KANK1: variants seen among roughly 807,000 people sequenced by gnomAD.
The protein encoded by KANK1 is KN motif and ankyrin repeat domain-containing protein 1.
In KANK1, 109 loss-of-function variants were observed where a neutral mutation model predicts 106.2. The ratio of observed to expected loss-of-function variants is 1.03; its 90% CI spans 0.88 to 1.20. The LOEUF (loss-of-function observed/expected upper bound fraction) is 1.20, where lower values mean the gene tolerates loss of function less well. KANK1 is among the 50% of genes most tolerant of loss of function. The pLI, the probability that KANK1 is intolerant of heterozygous loss-of-function variation, is 0.00. For synonymous variants in KANK1, 873 were observed against 652.2 expected (o/e 1.34, Z -5.16); for missense variants, 2,399 against 1,710.7 (o/e 1.40, Z -7.10).
intron 1 of KANK1, among the ~76,000 whole-genome samples, chr9:614,380 A>G (rs5008774): frequency 2.0e-5 from 3 of 148,804 alleles, no homozygotes; most frequent in Non-Finnish European, 4.4e-5. Flanking sequence ...GAGTGATTAT[A>G]TACTTCTGCA....
In KANK1 at chr9:527,744, A is replaced by G. The variant is rs543623823; in HGVS notation, c.-84+22990A>G. ...CACACTTACTAGTTTGGCCAGGTGT[A>G]CAGTTCTAGTTTGAAAGTCCTTTTC... On this transcript the variant is annotated intron_variant, in intron 1 of 11. Transcript: ENST00000382297. 2.7e-5 allele frequency among the ~76,000 whole-genome samples: 4 copies of G among 148,126 alleles called. No individual in the cohort carries two copies. In the East Asian group the frequency reaches 5.9e-4, roughly 22 times the overall value.
At chr9:656,332 T>G (rs1842138928) in intron 1 of KANK1, among the ~76,000 whole-genome samples, 2 of 152,168 alleles carry the variant, frequency 1.3e-5, no homozygotes, top group African/African-American at 4.8e-5. Context: ...GGAATCTGTT[T>G]CCCCTGGCTT....
intron 1 of KANK1, among the ~76,000 whole-genome samples, chr9:590,906 A>G (rs72689656): frequency 0.01 from 1,531 of 151,866 alleles, 70 homozygotes; most frequent in African/African-American, 0.036. Flanking sequence ...TTAATATATA[A>G]TACACATTGC....
intron 2 of KANK1, among the ~76,000 whole-genome samples, chr9:687,898 C>G (rs1818930238): frequency 6.6e-6 from 1 of 152,180 alleles, no homozygotes; most frequent in African/African-American, 2.4e-5. Flanking sequence ...AGGCAAGAAT[C>G]ATGTCATCTT....
At chr9:744,922 G>A in intron 11 of KANK1, 5 of 1,424,784 alleles carry the variant, frequency 3.5e-6, no homozygotes, top group Non-Finnish European at 4.6e-6. Flanking sequence ...TGAAGCAGAT[G>A]GCAGGCAGCC....
chr9:650,103 G>A (rs1179277307), intron 1 of KANK1, among the ~76,000 whole-genome samples: 1 of 152,158 alleles, frequency 6.6e-6, no homozygotes, highest in Non-Finnish European at 1.5e-5. Context: ...TATAAAGGTG[G>A]AGGGATTACT....
intron 1 of KANK1, among the ~76,000 whole-genome samples, chr9:541,552 T>C (rs939539043): frequency 6.6e-6 from 1 of 152,116 alleles, no homozygotes; most frequent in Non-Finnish European, 1.5e-5. Flanking sequence ...TTCTTGACAT[T>C]AGCCTGGGCA....
At chr9:689,242 T>A (rs1378051921) in intron 2 of KANK1, among the ~76,000 whole-genome samples, 2 of 152,158 alleles carry the variant, frequency 1.3e-5, no homozygotes, top group African/African-American at 2.4e-5. Context: ...CATGCGACAC[T>A]AGTTTTAAGC....
At chr9:524,184 G>C (rs945130346) in intron 1 of KANK1, among the ~76,000 whole-genome samples, 4 of 151,822 alleles carry the variant, frequency 2.6e-5, no homozygotes, top group African/African-American at 9.7e-5. Context: ...CAGGAACTAA[G>C]TGTCATGCTC....
At chr9:514,226 C>T (rs139100434) in intron 1 of KANK1, among the ~76,000 whole-genome samples, 3 of 92,354 alleles carry the variant, frequency 3.2e-5, no homozygotes, top group Admixed American at 2.8e-4. Flanking sequence ...CTCCCTTCCT[C>T]CCTCCCTCCC....
chr9:741,033 C>G (rs892970910), intron 9 of KANK1, 99 bp downstream of exon 9: 2 of 1,346,414 alleles, frequency 1.5e-6, no homozygotes, highest in East Asian at 4.9e-5. Context: ...GCCACGCTTC[C>G]ACCACAGTGC....
At chr9:534,003 CT>C (rs2060183705) in intron 1 of KANK1, among the ~76,000 whole-genome samples, 1 of 152,156 alleles carries the variant, frequency 6.6e-6, no homozygotes. Context: ...GTCACCCAGA[CT>C]TTTTGTCATT....
intron 1 of KANK1, among the ~76,000 whole-genome samples, chr9:572,947 T>G (rs1167708878): frequency 6.6e-6 from 1 of 152,240 alleles, no homozygotes; most frequent in African/African-American, 2.4e-5. Flanking sequence ...TCATTACTAT[T>G]ATCACAATGT....
At chr9:738,532 T>TTC in intron 8 of KANK1, 28 bp downstream of exon 8, 1 of 1,557,356 alleles carries the variant, frequency 6.4e-7, no homozygotes, top group Non-Finnish European at 8.9e-7. Flanking sequence ...CCACCCTCTC[T>TTC]TCTCTAACAG....
intron 2 of KANK1, among the ~76,000 whole-genome samples, chr9:697,477 A>T (rs1821603246): frequency 6.6e-6 from 1 of 152,108 alleles, no homozygotes; most frequent in African/African-American, 2.4e-5. Context: ...AGTAATTGAG[A>T]AGTTGTAGAC....
intron 1 of KANK1, among the ~76,000 whole-genome samples, chr9:647,810 C>T (rs1322696412): frequency 1.3e-5 from 2 of 150,400 alleles, no homozygotes; most frequent in East Asian, 3.9e-4. Flanking sequence ...TACGAAATAG[C>T]CCGCAATCCC....
In KANK1 at chr9:686,832, TGG is replaced by T. The variant is rs531061591; in HGVS notation, c.37+9825_37+9826del. 2,447 of 985,270 alleles carry T rather than the reference TGG, an allele frequency of 2.5e-3. 3 individuals carry two copies. The highest frequency in any genetic ancestry group is 0.011 in the Middle Eastern group (21 of 1,914). The allele number at this position is 985,270 out of a possible 1,614,324, so 61.0% of individuals were successfully genotyped here. A position where few individuals can be genotyped will look rare whatever the true frequency, so the allele number is the denominator to read the frequency against. ...CTGAGGAACATGCTAGGATGTTACT[TGG>T]GTGCTAGAAAACAGCAGCTGGAATT... On this transcript the variant is annotated intron_variant, in intron 2 of 11. Coordinates refer to ENST00000382297, the MANE Select transcript of KANK1 (RefSeq NM_015158.5).
At chr9:505,668 G>A (rs13294477) in intron 1 of KANK1, among the ~76,000 whole-genome samples, 5 of 152,260 alleles carry the variant, frequency 3.3e-5, no homozygotes, top group Non-Finnish European at 7.3e-5. Context: ...GGGCGAGTTG[G>A]CGTTAACAAT....
At chr9:633,037 G>A (rs889726363) in intron 1 of KANK1, among the ~76,000 whole-genome samples, 1 of 152,034 alleles carries the variant, frequency 6.6e-6, no homozygotes, top group Non-Finnish European at 1.5e-5. Context: ...GAGGTAACAT[G>A]GCCCCCTCCC....
Sources: gnomAD v4.1 joint callset for allele counts (sites outside exome capture counted in the v4.1 genomes callset) on GRCh38, gnomAD v4.1.1 for gene constraint, MANE v1.5 for transcripts, NCBI Gene and HGNC (gene_info 2026-07-23, HGNC 2026-07-21) for gene names.